The following CPSF2 variants were observed in gnomAD, a reference collection of about 807,000 sequenced individuals.
The protein encoded by CPSF2 is cleavage and polyadenylation specificity factor subunit 2.
CPSF2 carries 51 observed loss-of-function variants against 84.2 expected under a neutral mutation model. That is an observed-to-expected ratio of 0.61 (90% CI 0.48 to 0.77). The LOEUF (loss-of-function observed/expected upper bound fraction) is 0.77. Among genes scored for constraint, CPSF2 ranks in the 30% least tolerant of loss-of-function variants. The pLI is 0.00. For synonymous variants in CPSF2, 286 were observed against 311.9 expected (o/e 0.92, Z 0.87); for missense variants, 641 against 929.4 (o/e 0.69, Z 4.03).
chr14:92,131,203 C>A, intron 3 of CPSF2, 70 bp downstream of exon 3: 1 of 1,276,574 alleles, frequency 7.8e-7, no homozygotes, highest in Non-Finnish European at 1.1e-6. Context: ...AATACCATTT[C>A]GATGTGATAA....
At position 92,156,751 on chromosome 14, in the gene CPSF2, T is replaced by C. The variant is rs78369738; in HGVS notation, c.1595+120T>C. On this transcript the variant is annotated intron_variant, in intron 12 of 15. Coordinates refer to ENST00000298875, the MANE Select transcript of CPSF2 (RefSeq NM_017437.3). ...AATATTCTTTAGTAAGTTTGTGCTT[T>C]TAAAATTTATTTTTGTATGAAGAGA... The C allele has an allele frequency of 1.5e-5, 8 of 532,864 alleles. No homozygotes were observed. The South Asian group carries it at 2.4e-4, about 16-fold the overall frequency. The allele number at this position is 532,864 out of a possible 1,614,324, so 33.0% of individuals were successfully genotyped here.
At chr14:92,128,669 A>C (rs979812375) in intron 2 of CPSF2, among the ~76,000 whole-genome samples, 1 of 152,188 alleles carries the variant, frequency 6.6e-6, no homozygotes, top group Non-Finnish European at 1.5e-5. Context: ...GGACCTGAGT[A>C]AAAACAGGAG....
intron 9 of CPSF2, among the ~76,000 whole-genome samples, chr14:92,148,813 A>G (rs2069175654): frequency 1.3e-5 from 2 of 149,472 alleles, no homozygotes; most frequent in Non-Finnish European, 3.0e-5. Flanking sequence ...ATATATATGT[A>G]GAGAGAGAGA....
intron 6 of CPSF2, among the ~76,000 whole-genome samples, chr14:92,136,740 G>T (rs1274442844): frequency 6.6e-6 from 1 of 151,960 alleles, no homozygotes; most frequent in Non-Finnish European, 1.5e-5. Context: ...GTCCTCCTTC[G>T]TTCAGTCTCG....
intron 6 of CPSF2, among the ~76,000 whole-genome samples, chr14:92,136,588 C>T (rs1041075008): frequency 3.3e-5 from 5 of 152,218 alleles, no homozygotes; most frequent in East Asian, 1.9e-4. Flanking sequence ...CCTCCCTGCT[C>T]TTTCTACCCA....
rs556704727 is a variant in CPSF2 at position 92,152,420 on chromosome 14, C to T, written c.1141-1938C>T. Among the ~76,000 whole-genome samples the T allele has an allele frequency of 7.6e-4, 113 of 148,526 alleles. 1 individual carries two copies. The highest frequency in any genetic ancestry group is 3.8e-3 in the Middle Eastern group (1 of 260). On this transcript the variant is annotated intron_variant, in intron 9 of 15. Coordinates refer to ENST00000298875, the MANE Select transcript of CPSF2 (RefSeq NM_017437.3). ...CTGGGATTACAGGTGTGAGCCGTCGCGCCCGGCCTATTATTATTATTAATT... is the reference window on the plus strand; with the variant it reads ...CTGGGATTACAGGTGTGAGCCGTCGTGCCCGGCCTATTATTATTATTAATT...
chr14:92,146,999 G>T (rs1379182472), intron 9 of CPSF2, among the ~76,000 whole-genome samples: 2 of 152,140 alleles, frequency 1.3e-5, no homozygotes, highest in South Asian at 2.1e-4. Context: ...TACCTGCCTG[G>T]TTTAGCTGCC....
At chr14:92,122,628 G>A (rs921898571) in intron 1 of CPSF2, among the ~76,000 whole-genome samples, 1 of 151,998 alleles carries the variant, frequency 6.6e-6, no homozygotes, top group African/African-American at 2.4e-5. Flanking sequence ...AAGGGTCTTG[G>A]GCCTTCGCGC....
chr14:92,129,471 T>C (rs888735920), intron 2 of CPSF2, among the ~76,000 whole-genome samples: 1 of 152,202 alleles, frequency 6.6e-6, no homozygotes. Context: ...CAGCCTCTTA[T>C]GAAAGGTGGA....
rs769714806 is a variant in CPSF2, at chr14:92,134,227, CTTTA to C, written c.310-19_310-16del. The C allele has an allele frequency of 5.5e-5, 88 of 1,610,740 alleles. No homozygotes were observed. The highest frequency in any genetic ancestry group is 7.2e-5 in the Non-Finnish European group (85 of 1,177,316). On this transcript the variant is annotated intron_variant, in intron 4 of 15. Coordinates refer to ENST00000298875, the MANE Select transcript of CPSF2 (RefSeq NM_017437.3). Reference sequence around the variant, plus strand: ...CACTCCTTCAGTGATTGTTTTTCACCTTTATTTGTGTTATTCTTTTAGTCTCGAC... The same window carrying C: ...CACTCCTTCAGTGATTGTTTTTCACCTTTGTGTTATTCTTTTAGTCTCGAC...
At position 92,143,302 on chromosome 14, in the gene CPSF2, C is replaced by G. The variant is rs1273392660; in HGVS notation, c.1140+8C>G. ...AAAATTACAGAAATAGAGGTAAGCA[C>G]TTGTATGTGAACTTTATCTTAAAAC... is the stretch of plus-strand genomic sequence containing the variant. On this transcript the variant is annotated splice_region_variant and intron_variant, in intron 9 of 15. Coordinates refer to ENST00000298875, the MANE Select transcript of CPSF2 (RefSeq NM_017437.3). The G allele has an allele frequency of 6.4e-7, 1 of 1,559,254 alleles. No homozygotes were observed. The highest frequency in any genetic ancestry group is 1.4e-5 in the African/African-American group (1 of 73,210).
rs1217973469 is a variant in CPSF2 at position 92,171,330 on chromosome 14, C to G, written c.*9586C>G. 6.6e-6 allele frequency: 1 copy of G among 152,060 alleles called. No individual in the cohort carries two copies. The highest frequency in any genetic ancestry group is 2.1e-4 in the South Asian group (1 of 4,818). 9.4% of individuals were successfully genotyped at this position (152,060 alleles called of 1,614,324 possible). On this transcript the variant is annotated 3_prime_UTR_variant, in exon 16 of 16. Coordinates refer to ENST00000298875, the MANE Select transcript of CPSF2 (RefSeq NM_017437.3). ...TTGTAGAAACGGGGTCTCTTCTTCCCCATTTATTCAATATTTATATCAGTA... is the reference window on the plus strand; with the variant it reads ...TTGTAGAAACGGGGTCTCTTCTTCCGCATTTATTCAATATTTATATCAGTA...
rs759379337 is a variant in CPSF2 at position 92,159,218 on chromosome 14, A to G, written c.2057A>G (p.Asp686Gly). Residue 686 changes from aspartate to glycine, a missense_variant, in exon 14 of 16, where the codon GAT becomes GGT. Physicochemically the swap from Asp to Gly is moderately conservative, Grantham distance 94. Transcript: ENST00000298875. Reference protein sequence around the residue: ...QKAMKSLFGDDEKETGEESEI... With the variant: ...QKAMKSLFGDGEKETGEESEI... The stretch of plus-strand genomic sequence containing the variant: ...GCCATGAAAAGTCTGTTCGGAGATG[A>G]TGAAAAAGAAACAGGTGAAGAAAGT... The G allele has an allele frequency of 1.1e-5, 18 of 1,613,440 alleles. No homozygotes were observed. The highest frequency in any genetic ancestry group is 1.3e-5 in the Non-Finnish European group (15 of 1,179,726).
At chr14:92,152,811 C>T (rs2069238435) in intron 9 of CPSF2, among the ~76,000 whole-genome samples, 2 of 152,100 alleles carry the variant, frequency 1.3e-5, no homozygotes, top group Non-Finnish European at 2.9e-5. Flanking sequence ...ATAAGGTAGA[C>T]ATTGATAAAT....
chr14:92,130,150 G>A (rs978853303), intron 2 of CPSF2, among the ~76,000 whole-genome samples: 1 of 152,110 alleles, frequency 6.6e-6, no homozygotes, highest in Non-Finnish European at 1.5e-5. Context: ...TTCTATTTAG[G>A]GAGTTGCAAA....
chr14:92,138,430 A>C, intron 7 of CPSF2, 83 bp downstream of exon 7: 1 of 678,820 alleles, frequency 1.5e-6, no homozygotes, highest in South Asian at 3.3e-5. Context: ...ATAAAAGTAC[A>C]GGTTTCTTTT....
intron 1 of CPSF2, among the ~76,000 whole-genome samples, chr14:92,124,495 T>C (rs7152335): frequency 0.2 from 30,667 of 152,104 alleles, 3,360 homozygotes; most frequent in East Asian, 0.29. Flanking sequence ...GTTTTTAGTC[T>C]GGGAGAGTAA....
rs762750343 is a variant in CPSF2 at position 92,154,367 on chromosome 14, C to T, written c.1150C>T (p.Arg384Cys). The T allele has an allele frequency of 1.9e-6, 3 of 1,594,820 alleles. No individual in the cohort carries two copies. The highest frequency in any genetic ancestry group is 2.6e-6 in the Non-Finnish European group (3 of 1,173,702). ...TTTTATTTTTTTTTAGTTGAGGAAACGTGTGAAGCTTGAAGGGAAAGAACT... is the reference window on the plus strand; with the variant it reads ...TTTTATTTTTTTTTAGTTGAGGAAATGTGTGAAGCTTGAAGGGAAAGAACT... ...EKITEIELRK[R>C]VKLEGKELEE... The change falls in exon 10 of 16, where the codon CGT (arginine) becomes TGT (cysteine). Residue 384 changes from arginine (R) to cysteine (C), a missense_variant. Coordinates refer to ENST00000298875, the MANE Select transcript of CPSF2 (RefSeq NM_017437.3).
chr14:92,124,417 G>C (rs1264864782), intron 1 of CPSF2, among the ~76,000 whole-genome samples: 1 of 152,218 alleles, frequency 6.6e-6, no homozygotes, highest in Non-Finnish European at 1.5e-5. Flanking sequence ...AGGTCAGAGA[G>C]ACACTAAGTA....
Sources: gnomAD v4.1 joint callset for allele counts (sites outside exome capture counted in the v4.1 genomes callset) on GRCh38, gnomAD v4.1.1 for gene constraint, MANE v1.5 for transcripts, NCBI Gene and HGNC (gene_info 2026-07-23, HGNC 2026-07-21) for gene names.